MED13L: variants seen among roughly 807,000 people sequenced by gnomAD.
The protein encoded by MED13L is mediator of RNA polymerase II transcription subunit 13-like.
MED13L carries 7 observed loss-of-function variants against 220.9 expected under a neutral mutation model. That is an observed-to-expected ratio of 0.03 (90% confidence interval 0.02 to 0.06). The LOEUF is 0.06. Among genes scored for constraint, MED13L ranks in the 10% least tolerant of loss-of-function variants. The pLI is 1.00. For missense variants in MED13L, 1,965 were observed against 2,760.5 expected (o/e 0.71, Z 6.46); for synonymous variants, 1,011 against 1,015.2 (o/e 1.00, Z 0.08).
intron 1 of MED13L, among the ~76,000 whole-genome samples, chr12:116,262,304 T>C (rs1302411199): frequency 6.6e-6 from 1 of 152,194 alleles, no homozygotes; most frequent in Non-Finnish European, 1.5e-5. Flanking sequence ...TCACATAACA[T>C]ACTAAAACTA....
chr12:115,996,697 G>T lies in MED13L; in HGVS notation c.2791-16C>A. 6.2e-7 allele frequency: 1 copy of T among 1,602,016 alleles called. No homozygotes were observed. The highest frequency in any genetic ancestry group is 8.6e-7 in the Non-Finnish European group (1 of 1,169,244). On this transcript the variant is annotated splice_polypyrimidine_tract_variant and intron_variant, in intron 15 of 30. Coordinates refer to ENST00000281928, the MANE Select transcript of MED13L (RefSeq NM_015335.5). ...ATGAAAAGTCCTGTGACAACAAAGT[G>T]GGGTCAGTGTTAATATTGGTAAACT...
intron 5 of MED13L, among the ~76,000 whole-genome samples, chr12:116,021,362 T>A (rs926404500): frequency 1.3e-5 from 2 of 152,168 alleles, no homozygotes. Flanking sequence ...TGATAAAATG[T>A]TGGATGGAGT....
intron 15 of MED13L, 119 bp downstream of exon 15, chr12:115,996,891 A>C (rs978307228): frequency 7.5e-6 from 9 of 1,192,550 alleles, no homozygotes; most frequent in Non-Finnish European, 1.1e-5. Context: ...GTTCTAATTA[A>C]AAGGATTCTT....
Position 116,007,645 on chromosome 12 carries a change from C to CAAAAAAA in MED13L, c.2013-16_2013-10dup, listed in dbSNP as rs542425590. Reference sequence around the variant, plus strand: ...TAGGTTGTGCTAAGAGTCTAAAAGACAAAAAAAAAAAAAAAAAAAAGAGCA... The same window carrying CAAAAAAA: ...TAGGTTGTGCTAAGAGTCTAAAAGACAAAAAAAAAAAAAAAAAAAAAAAAAAAGAGCA... On this transcript the variant is annotated splice_polypyrimidine_tract_variant and intron_variant, in intron 10 of 30. Transcript: ENST00000281928. 551 of 759,712 alleles carry CAAAAAAA rather than the reference C, an allele frequency of 7.3e-4. 6 individuals are homozygous for CAAAAAAA. Among genetic ancestry groups the CAAAAAAA allele is most frequent in the South Asian group, 1.8e-3 (73 of 41,426 alleles). The allele number at this position is 759,712 out of a possible 1,614,324, so 47.1% of individuals were successfully genotyped here.
Position 116,071,720 on chromosome 12 carries a change from C to T in MED13L, c.479+24949G>A, listed in dbSNP as rs1430169677. Among the ~76,000 whole-genome samples, 4 of 152,170 alleles carry T rather than the reference C, an allele frequency of 2.6e-5. No homozygotes were observed. The East Asian group carries it at 5.8e-4, about 22-fold the overall frequency. On this transcript the variant is annotated intron_variant, in intron 4 of 30. Transcript: ENST00000281928. ...TTACTTAAGAGGAATTTTATAAAAC[C>T]TTGGAGTTCCCAGAAACATTACATA...
chr12:116,221,892 G>A (rs983066572), intron 2 of MED13L, among the ~76,000 whole-genome samples: 2 of 152,066 alleles, frequency 1.3e-5, no homozygotes, highest in African/African-American at 2.4e-5. Context: ...CCCATAAGGA[G>A]CAAGGGCATA....
At chr12:116,041,112 C>T (rs1268054283) in intron 4 of MED13L, among the ~76,000 whole-genome samples, 1 of 152,096 alleles carries the variant, frequency 6.6e-6, no homozygotes, top group African/African-American at 2.4e-5. Context: ...GCTCTGTGTC[C>T]CCACCCAAAT....
chr12:116,215,624 A>G (rs1039676834), intron 2 of MED13L, among the ~76,000 whole-genome samples: 5 of 152,180 alleles, frequency 3.3e-5, no homozygotes, highest in African/African-American at 1.2e-4. Flanking sequence ...TGTTCAATGT[A>G]TGTCTAACAG....
At chr12:115,987,424 G>A in intron 17 of MED13L, 136 bp from the exon 18 acceptor site, 1 of 744,480 alleles carries the variant, frequency 1.3e-6, no homozygotes, top group Non-Finnish European at 2.2e-6. Context: ...ATTTGACTTA[G>A]GAGTCAGGAG....
chr12:116,019,173 T>C (rs367623462), intron 7 of MED13L, 51 bp downstream of exon 7: 22 of 1,570,472 alleles, frequency 1.4e-5, no homozygotes, highest in Admixed American at 5.2e-5. Flanking sequence ...AGGTAGACTA[T>C]ACAATTGTCT....
intron 2 of MED13L, among the ~76,000 whole-genome samples, chr12:116,145,344 A>G (rs1439482052): frequency 6.6e-6 from 1 of 152,210 alleles, no homozygotes; most frequent in Non-Finnish European, 1.5e-5. Context: ...GCAACCTAGA[A>G]CAGGTATTCT....
chr12:116,049,919 A>T (rs1052596768), intron 4 of MED13L, among the ~76,000 whole-genome samples: 4 of 152,324 alleles, frequency 2.6e-5, no homozygotes, highest in Admixed American at 1.3e-4. Context: ...AAAATTTCAG[A>T]CTTATTTTAA....
chr12:116,065,888 A>C (rs1869881881), intron 4 of MED13L, among the ~76,000 whole-genome samples: 1 of 152,250 alleles, frequency 6.6e-6, no homozygotes, highest in African/African-American at 2.4e-5. Flanking sequence ...CAGTTGCTCT[A>C]CTGCAGCACT....
intron 7 of MED13L, among the ~76,000 whole-genome samples, chr12:116,018,451 T>C (rs1398261746): frequency 6.6e-6 from 1 of 152,246 alleles, no homozygotes; most frequent in African/African-American, 2.4e-5. Flanking sequence ...CAAGGCTTTA[T>C]TTACTCTAAT....
At chr12:116,016,027 G>A (rs889299804) in intron 7 of MED13L, among the ~76,000 whole-genome samples, 1 of 152,068 alleles carries the variant, frequency 6.6e-6, no homozygotes, top group Non-Finnish European at 1.5e-5. Context: ...GATACTGGTT[G>A]TTGTTTACAT....
At chr12:116,205,224 C>T (rs11067943) in intron 2 of MED13L, among the ~76,000 whole-genome samples, 1 of 152,098 alleles carries the variant, frequency 6.6e-6, no homozygotes, top group Non-Finnish European at 1.5e-5. Flanking sequence ...GGCAAAAGCA[C>T]TTCAAAACAC....
At chr12:116,093,235 G>A (rs533749445) in intron 4 of MED13L, among the ~76,000 whole-genome samples, 23 of 152,088 alleles carry the variant, frequency 1.5e-4, no homozygotes, top group South Asian at 1.5e-3. Flanking sequence ...AATTTTGTAT[G>A]TTTGATTTTA....
intron 2 of MED13L, among the ~76,000 whole-genome samples, chr12:116,121,941 CAAGTA>C (rs1875133944): frequency 6.6e-6 from 1 of 152,048 alleles, no homozygotes; most frequent in Non-Finnish European, 1.5e-5. Context: ...TCCAGAAACA[CAAGTA>C]AAGGAAGGCA....
chr12:116,199,190 C>T (rs1052230386), intron 2 of MED13L, among the ~76,000 whole-genome samples: 1 of 152,140 alleles, frequency 6.6e-6, no homozygotes, highest in Non-Finnish European at 1.5e-5. Context: ...CTTGTCTCTT[C>T]CATCTTCTGT....
Sources: allele counts gnomAD v4.1 joint callset (sites outside exome capture counted in the v4.1 genomes callset), GRCh38; gene constraint gnomAD v4.1.1; transcripts MANE v1.5; gene names NCBI Gene and HGNC (gene_info 2026-07-23, HGNC 2026-07-21).